Variants in SRSF11 observed in about 807,000 individuals in gnomAD.
SRSF11 encodes serine and arginine rich splicing factor 11.
In SRSF11, 9 loss-of-function variants were observed where a neutral mutation model predicts 56.0. The observed-to-expected ratio is 0.16, with a 90% CI of 0.10 to 0.28. The LOEUF (loss-of-function observed/expected upper bound fraction) is 0.28, where lower values mean the gene tolerates loss of function less well. SRSF11 is among the 10% of genes least tolerant of loss of function. The pLI is 1.00. For missense variants in SRSF11, 421 were observed against 600.7 expected (o/e 0.70, Z 3.13); for synonymous variants, 222 against 215.3 (o/e 1.03, Z -0.27).
chr1:70,247,036 T>C, intron 9 of SRSF11, 129 bp downstream of exon 9: 1 of 1,119,028 alleles, frequency 8.9e-7, no homozygotes, highest in Non-Finnish European at 1.2e-6. Flanking sequence ...TACATTTTGC[T>C]GTTATTTAAA....
chr1:70,233,006 T>C (rs1673153421), intron 3 of SRSF11, among the ~76,000 whole-genome samples: 1 of 152,210 alleles, frequency 6.6e-6, no homozygotes, highest in Non-Finnish European at 1.5e-5. Context: ...ACTGGAAATT[T>C]ATAAAAGCAT....
intron 5 of SRSF11, among the ~76,000 whole-genome samples, chr1:70,235,825 A>C (rs1447494421): frequency 6.6e-6 from 1 of 152,240 alleles, no homozygotes; most frequent in Non-Finnish European, 1.5e-5. Context: ...TCGTTTGAAG[A>C]TCAGAGGCTG....
At chr1:70,224,521 A>T (rs1671351390) in intron 1 of SRSF11, among the ~76,000 whole-genome samples, 2 of 152,140 alleles carry the variant, frequency 1.3e-5, no homozygotes, top group South Asian at 4.1e-4. Context: ...AAATACATGT[A>T]TGACTGAACC....
chr1:70,247,535 T>G (rs186737664), intron 9 of SRSF11, among the ~76,000 whole-genome samples: 1 of 152,184 alleles, frequency 6.6e-6, no homozygotes, highest in Non-Finnish European at 1.5e-5. Flanking sequence ...AGGAGAAGGT[T>G]CATGCCATAT....
intron 5 of SRSF11, among the ~76,000 whole-genome samples, chr1:70,236,673 T>C (rs1053948544): frequency 6.6e-6 from 1 of 151,990 alleles, no homozygotes. Flanking sequence ...GGGGCATCTT[T>C]AGCCTTTCCA....
intron 7 of SRSF11, among the ~76,000 whole-genome samples, chr1:70,242,964 G>A (rs1435185420): frequency 6.6e-6 from 1 of 152,086 alleles, no homozygotes; most frequent in Non-Finnish European, 1.5e-5. Context: ...CTTAGGATGT[G>A]GAGATGTTAT....
At chr1:70,214,894 G>GT (rs34229824) in intron 1 of SRSF11, among the ~76,000 whole-genome samples, 7,498 of 125,868 alleles carry the variant, frequency 0.06, 380 homozygotes, top group Admixed American at 0.086. Flanking sequence ...CTGCAGATAA[G>GT]TTTTTTTTTT....
chr1:70,221,915 C>T, intron 1 of SRSF11, 76 bp downstream of exon 1: 1 of 1,563,680 alleles, frequency 6.4e-7, no homozygotes, highest in South Asian at 1.2e-5. Context: ...TTCCTTAGGC[C>T]CCTGTCGCTG....
chr1:70,230,608 A>T (rs1672662502), intron 2 of SRSF11: 5 of 1,285,886 alleles, frequency 3.9e-6, no homozygotes, highest in Non-Finnish European at 5.1e-6. Flanking sequence ...TTGACGCATG[A>T]AAATTAACTG....
rs1670696617 is a variant in SRSF11 at position 70,221,858 on chromosome 1, CA to C, written c.203+20del. On this transcript the variant is annotated intron_variant, in intron 1 of 11. Transcript: ENST00000370949. ...CGCCGGAGTGAGTATCGTCCACCATCACTGTTCCTGCTAACGCCGCCTCAGC... is the reference window on the plus strand; with the variant it reads ...CGCCGGAGTGAGTATCGTCCACCATCCTGTTCCTGCTAACGCCGCCTCAGC... The C allele has an allele frequency of 2.5e-6, 4 of 1,613,262 alleles. No individual in the cohort carries two copies. In the Admixed American group the frequency reaches 6.7e-5, roughly 27 times the overall value.
At position 70,235,483 on chromosome 1, in the gene SRSF11, T is replaced by C. The variant is rs1453437299; in HGVS notation, c.541-18T>C. 1 of 1,594,734 alleles carries C rather than the reference T, an allele frequency of 6.3e-7. No individual in the cohort carries two copies. The highest frequency in any genetic ancestry group is 2.2e-5 in the East Asian group (1 of 44,704). ...TTGTTTTATGTATTCTCATTATTCT[T>C]ATGTTTTATTTTTACAGTCTCTTGC... is the stretch of plus-strand genomic sequence containing the variant. On this transcript the variant is annotated intron_variant, in intron 4 of 11. Coordinates refer to ENST00000370949, the MANE Select transcript of SRSF11 (RefSeq NM_001350605.2).
chr1:70,230,734 GGT>G, intron 2 of SRSF11: 1 of 1,177,136 alleles, frequency 8.5e-7, no homozygotes, highest in South Asian at 1.7e-5. Flanking sequence ...TCTTCTATCA[GGT>G]GTCTCACAAT....
At chr1:70,235,399 A>T in intron 4 of SRSF11, 102 bp from the exon 5 acceptor site, 2 of 922,906 alleles carry the variant, frequency 2.2e-6, no homozygotes, top group South Asian at 1.7e-5. Flanking sequence ...GTTTCATGGC[A>T]TGTAGTCTGC....
intron 7 of SRSF11, among the ~76,000 whole-genome samples, chr1:70,243,635 G>A (rs1571904507): frequency 6.6e-6 from 1 of 152,298 alleles, no homozygotes; most frequent in African/African-American, 2.4e-5. Flanking sequence ...ACCTTGAAAA[G>A]AAAAGTAGGC....
At chr1:70,226,993 A>C (rs566699368) in intron 1 of SRSF11, among the ~76,000 whole-genome samples, 1 of 152,240 alleles carries the variant, frequency 6.6e-6, no homozygotes, top group East Asian at 1.9e-4. Context: ...TTGCTTGTGG[A>C]TATCCTGTTA....
chr1:70,236,757 G>GCAT (rs1202562943), intron 5 of SRSF11, among the ~76,000 whole-genome samples: 1 of 146,480 alleles, frequency 6.8e-6, no homozygotes, highest in African/African-American at 2.5e-5. Context: ...AAAGTAAAAG[G>GCAT]TAATGCTCTT....
chr1:70,242,035 C>T (rs1399833948), intron 7 of SRSF11, among the ~76,000 whole-genome samples: 4 of 151,944 alleles, frequency 2.6e-5, no homozygotes, highest in African/African-American at 7.2e-5. Flanking sequence ...GGTGTGGTGG[C>T]GCGCGCAGCT....
At chr1:70,231,599 C>G (rs1558181678) in intron 2 of SRSF11, 2 of 1,132,004 alleles carry the variant, frequency 1.8e-6, no homozygotes, top group African/African-American at 1.6e-5. Flanking sequence ...TTACCTATCT[C>G]TCTTTCTCTC....
intron 6 of SRSF11, 82 bp downstream of exon 6, chr1:70,237,634 A>ACCCT: frequency 6.5e-7 from 1 of 1,550,366 alleles, no homozygotes; most frequent in Non-Finnish European, 8.7e-7. Context: ...GTTGAGTGAC[A>ACCCT]CCCTAGTCGT....
Sources: allele counts gnomAD v4.1 joint callset (sites outside exome capture counted in the v4.1 genomes callset), GRCh38; gene constraint gnomAD v4.1.1; transcripts MANE v1.5; gene names NCBI Gene and HGNC (gene_info 2026-07-23, HGNC 2026-07-21).